ZFAND1: variants seen among roughly 807,000 people sequenced by gnomAD.
ZFAND1 encodes the protein zinc finger AN1-type containing 1.
In ZFAND1, 40 loss-of-function variants were observed where a neutral mutation model predicts 38.5. The ratio of observed to expected loss-of-function variants is 1.04; its 90% CI spans 0.81 to 1.35. The LOEUF (loss-of-function observed/expected upper bound fraction) is 1.35. Ranked by LOEUF, ZFAND1 falls within the 40% of genes most tolerant of loss-of-function variation. The pLI is 0.00. For missense variants in ZFAND1, 346 were observed against 316.3 expected (o/e 1.09, Z -0.71); for synonymous variants, 117 against 103.6 (o/e 1.13, Z -0.78).
rs760328578 is a variant in ZFAND1, at chr8:81,715,134, G to A, written c.139-20C>T. On this transcript the variant is annotated intron_variant, in intron 3 of 7. Coordinates refer to ENST00000220669, the MANE Select transcript of ZFAND1 (RefSeq NM_024699.3). ...AGTCACCTGAAAATGCAAAAAGGAG[G>A]AAATGTATTACATTTCAGACCTAAA... 10 of 1,612,062 alleles carry A rather than the reference G, an allele frequency of 6.2e-6. No individual in the cohort carries two copies. The highest frequency in any genetic ancestry group is 2.7e-5 in the African/African-American group (2 of 74,906).
chr8:81,715,981 A>C (rs575522862), intron 3 of ZFAND1, among the ~76,000 whole-genome samples: 3 of 152,352 alleles, frequency 2.0e-5, no homozygotes, highest in Non-Finnish European at 4.4e-5. Context: ...GTATGACTGA[A>C]TATTTCCTCC....
At position 81,714,826 on chromosome 8, in the gene ZFAND1, C is replaced by T. The variant is rs779822624; in HGVS notation, c.336G>A (p.Gln112=). ...EIPKPRMAAT[Q]KLVKDIIDSK... ...TACCAATAATGTCTTTAACAAGTTT[C>T]TGAGTGGCAGCCATTCGAGGCTTTG... Residue 112 remains glutamine (Q), a synonymous_variant, in exon 5 of 8, where the codon CAG becomes CAA. Transcript: ENST00000220669. 6.2e-7 allele frequency: 1 copy of T among 1,614,034 alleles called. No individual in the cohort carries two copies. The highest frequency in any genetic ancestry group is 8.5e-7 in the Non-Finnish European group (1 of 1,179,930).
intron 5 of ZFAND1, chr8:81,714,340 C>T (rs1238095726): frequency 3.6e-6 from 1 of 275,172 alleles, no homozygotes; most frequent in African/African-American, 2.2e-5. Flanking sequence ...TTTGGTTATG[C>T]AAGATTGTAA....
intron 6 of ZFAND1, among the ~76,000 whole-genome samples, chr8:81,710,901 G>A (rs1457436745): frequency 2.0e-5 from 3 of 151,950 alleles, no homozygotes; most frequent in Non-Finnish European, 4.4e-5. Context: ...TAAATCAAGT[G>A]GACAAAAAAT....
chr8:81,720,388 C>T (rs1209519170), intron 1 of ZFAND1, among the ~76,000 whole-genome samples: 1 of 152,120 alleles, frequency 6.6e-6, no homozygotes, highest in East Asian at 1.9e-4. Context: ...AAAGGTCTTC[C>T]GTGTAAAAGA....
At chr8:81,714,735 G>C in intron 5 of ZFAND1, 69 bp downstream of exon 5, 2 of 1,367,220 alleles carry the variant, frequency 1.5e-6, no homozygotes, top group Non-Finnish European at 2.1e-6. Context: ...CCCATAATTG[G>C]AAAGTAGATA....
intron 6 of ZFAND1, among the ~76,000 whole-genome samples, chr8:81,709,782 G>A (rs1250922327): frequency 6.6e-6 from 1 of 152,098 alleles, no homozygotes; most frequent in Non-Finnish European, 1.5e-5. Context: ...TGAAGAAGAT[G>A]GTTTGTGAAA....
At chr8:81,718,781 C>T (rs1808386257) in intron 1 of ZFAND1, among the ~76,000 whole-genome samples, 1 of 149,694 alleles carries the variant, frequency 6.7e-6, no homozygotes, top group Non-Finnish European at 1.5e-5. Flanking sequence ...ATATATACAC[C>T]TATAAGATTT....
chr8:81,716,063 G>A (rs757634888), intron 3 of ZFAND1, among the ~76,000 whole-genome samples: 3 of 152,184 alleles, frequency 2.0e-5, no homozygotes, highest in Non-Finnish European at 2.9e-5. Context: ...AAACTTCAAA[G>A]GGTCAGATTT....
intron 6 of ZFAND1, among the ~76,000 whole-genome samples, chr8:81,707,712 A>G (rs1311145866): frequency 1.3e-5 from 2 of 152,230 alleles, no homozygotes; most frequent in African/African-American, 4.8e-5. Flanking sequence ...TCAATTTGGT[A>G]TTAACTTATG....
intron 3 of ZFAND1, among the ~76,000 whole-genome samples, chr8:81,715,523 ATATT>A (rs1020291111): frequency 2.6e-5 from 4 of 152,216 alleles, no homozygotes; most frequent in African/African-American, 9.6e-5. Context: ...CACTTAAAAA[ATATT>A]TATTTATTTG....
In ZFAND1 at chr8:81,703,119, T is replaced by C; in HGVS notation, c.486A>G (p.Glu162=). The C allele has an allele frequency of 3.3e-6, 5 of 1,494,210 alleles. No homozygotes were observed. Among genetic ancestry groups the C allele is most frequent in the Non-Finnish European group, 4.5e-6 (5 of 1,116,644 alleles). The allele number at this position is 1,494,210 out of a possible 1,614,324, so 92.6% of individuals were successfully genotyped here. ...GTAAGAAAACCTGAAAGTAAATTCT[T>C]TCTGTCTGTAAAAAGAAAAAGTTAA... ...ADGDKSLPQT[E]RIYFQVFLPK... Residue 162 remains glutamate (E), a synonymous_variant, in exon 7 of 8, where the codon GAA becomes GAG. Transcript: ENST00000220669.
intron 6 of ZFAND1, among the ~76,000 whole-genome samples, chr8:81,709,201 C>T (rs1399949781): frequency 4.6e-5 from 7 of 152,110 alleles, no homozygotes. Flanking sequence ...TGATTTAGGG[C>T]CACACCAACT....
intron 1 of ZFAND1, among the ~76,000 whole-genome samples, chr8:81,718,918 G>A (rs1808389918): frequency 6.6e-6 from 1 of 151,636 alleles, no homozygotes; most frequent in African/African-American, 2.4e-5. Flanking sequence ...TATTGGGTAA[G>A]AAAAATAGAA....
At chr8:81,708,394 T>A (rs1808043622) in intron 6 of ZFAND1, among the ~76,000 whole-genome samples, 3 of 152,044 alleles carry the variant, frequency 2.0e-5, no homozygotes, top group East Asian at 3.9e-4. Flanking sequence ...GAAATATAAG[T>A]AATATCAATA....
intron 6 of ZFAND1, among the ~76,000 whole-genome samples, chr8:81,704,478 G>T (rs1807913200): frequency 6.8e-6 from 1 of 147,256 alleles, no homozygotes; most frequent in African/African-American, 2.5e-5. Context: ...GGTCGAGGCT[G>T]CAATAAGTGG....
chr8:81,711,694 A>G (rs58163885), intron 6 of ZFAND1, among the ~76,000 whole-genome samples: 1 of 152,198 alleles, frequency 6.6e-6, no homozygotes, highest in Non-Finnish European at 1.5e-5. Flanking sequence ...CTAAAGACAC[A>G]TAAAGATTCT....
chr8:81,710,417 T>C (rs1409110698), intron 6 of ZFAND1, among the ~76,000 whole-genome samples: 1 of 152,124 alleles, frequency 6.6e-6, no homozygotes, highest in Non-Finnish European at 1.5e-5. Flanking sequence ...CTGTAATCAA[T>C]TGTTTCTAAG....
intron 3 of ZFAND1, among the ~76,000 whole-genome samples, chr8:81,716,393 AAC>A (rs1808312231): frequency 6.6e-6 from 1 of 152,176 alleles, no homozygotes; most frequent in South Asian, 2.1e-4. Context: ...TTCATCATTC[AAC>A]TTATCTTTAC....
Sources: gnomAD v4.1 joint callset for allele counts (sites outside exome capture counted in the v4.1 genomes callset) on GRCh38, gnomAD v4.1.1 for gene constraint, MANE v1.5 for transcripts, NCBI Gene and HGNC (gene_info 2026-07-23, HGNC 2026-07-21) for gene names.